MEAK7: variants seen among roughly 807,000 people sequenced by gnomAD.
MEAK7 encodes the protein MTOR associated protein MEAK7.
MEAK7 carries 68 observed loss-of-function variants against 40.5 expected under a neutral mutation model. The ratio of observed to expected loss-of-function variants is 1.68; its 90% confidence interval spans 1.38 to 2.06. The LOEUF is 2.06. Ranked by LOEUF, MEAK7 falls within the 30% of genes most tolerant of loss-of-function variation. MEAK7 has a pLI of 0.00. For synonymous variants in MEAK7, 338 were observed against 231.9 expected, an observed-to-expected ratio of 1.46 and a Z score of -4.16; for missense variants, 918 against 580.5, an observed-to-expected ratio of 1.58 and a Z score of -5.98.
At chr16:84,484,215 G>A (rs1189744264) in intron 5 of MEAK7, among the ~76,000 whole-genome samples, 3 of 152,182 alleles carry the variant, frequency 2.0e-5, no homozygotes, top group Admixed American at 6.5e-5. Context: ...AAGCCAGGAG[G>A]GGGAAGCATC....
intron 3 of MEAK7, chr16:84,494,784 C>A (rs1440420912): frequency 2.2e-6 from 1 of 455,418 alleles, no homozygotes; most frequent in Admixed American, 2.4e-5. Context: ...CAGACAAAAC[C>A]CAAGCCCTGA....
At chr16:84,501,517 C>T (rs1017626528) in intron 1 of MEAK7, among the ~76,000 whole-genome samples, 2 of 152,168 alleles carry the variant, frequency 1.3e-5, no homozygotes, top group African/African-American at 4.8e-5. Flanking sequence ...GAGAAAGGTG[C>T]AGGGCTGGGC....
At chr16:84,480,432 C>A in intron 7 of MEAK7, 97 bp downstream of exon 7, 1 of 1,389,826 alleles carries the variant, frequency 7.2e-7, no homozygotes, top group Admixed American at 2.5e-5. Flanking sequence ...GATAAACTAT[C>A]TGCAGACAGA....
rs777785800 is a variant in MEAK7 at position 84,486,685 on chromosome 16, G to A, written c.904C>T (p.His302Tyr). 4 of 1,614,062 alleles carry A rather than the reference G, an allele frequency of 2.5e-6. No individual in the cohort carries two copies. Among genetic ancestry groups the A allele is most frequent in the Admixed American group, 1.7e-5 (1 of 60,002 alleles). Residue 302 changes from histidine (H) to tyrosine (Y), a missense_variant, in exon 5 of 8, where the codon CAT (histidine) becomes TAT (tyrosine). By Grantham distance (83) the His-to-Tyr change is moderately conservative. Coordinates refer to ENST00000343629, the MANE Select transcript of MEAK7 (RefSeq NM_020947.4). Reference protein sequence around the residue: ...CVAVLEDHDKHVFGGFASCSW... With the variant: ...CVAVLEDHDKYVFGGFASCSW... ...CAAGAGGCAAACCCACCGAACACATGCTTGTCATGGTCCTCGAGGACAGCC... is the reference window on the plus strand; with the variant it reads ...CAAGAGGCAAACCCACCGAACACATACTTGTCATGGTCCTCGAGGACAGCC...
In MEAK7 at chr16:84,477,249, T is replaced by C. The variant is rs1421448048; in HGVS notation, c.*2664A>G. ...TCTTGTTGCCCAGGCTAGAGTGCAA[T>C]GGCACGATCTCGGCTCACCACAACC... On this transcript the variant is annotated 3_prime_UTR_variant, in exon 8 of 8. Transcript: ENST00000343629. 6.6e-6 allele frequency: 1 copy of C among 152,170 alleles called. No homozygotes were observed. Among genetic ancestry groups the C allele is most frequent in the African/African-American group, 2.4e-5 (1 of 41,194 alleles). The allele number at this position is 152,170 out of a possible 1,614,324, so 9.4% of individuals were successfully genotyped here. A position where few individuals can be genotyped will look rare whatever the true frequency, so the allele number is the denominator to read the frequency against.
At chr16:84,480,342 A>C (rs1274201515) in intron 7 of MEAK7, among the ~76,000 whole-genome samples, 187 bp downstream of exon 7, 1 of 152,006 alleles carries the variant, frequency 6.6e-6, no homozygotes, top group Non-Finnish European at 1.5e-5. Flanking sequence ...CTACTAAACC[A>C]CCCACAAATC....
rs77264314 is a variant in MEAK7 at position 84,497,367 on chromosome 16, T to G, written c.153+567A>C. 6,890 of 1,226,650 alleles carry G rather than the reference T, an allele frequency of 5.6e-3. 359 individuals carry two copies. The African/African-American group carries it at 0.098, about 17-fold the overall frequency. The allele number at this position is 1,226,650 out of a possible 1,614,324, so 76.0% of individuals were successfully genotyped here. Reference sequence around the variant, plus strand: ...TGCAAGATGAGCCTTGAATCTAAAATGTGATTATTTTGTTAGGAATATCAT... The same window carrying G: ...TGCAAGATGAGCCTTGAATCTAAAAGGTGATTATTTTGTTAGGAATATCAT... On this transcript the variant is annotated intron_variant, in intron 2 of 7. Coordinates refer to ENST00000343629, the MANE Select transcript of MEAK7 (RefSeq NM_020947.4).
At chr16:84,489,474 C>T in intron 3 of MEAK7, 52 bp from the exon 4 acceptor site, 1 of 1,543,260 alleles carries the variant, frequency 6.5e-7, no homozygotes, top group Non-Finnish European at 8.8e-7. Flanking sequence ...ATCCTGAGAC[C>T]TATGTCATGC....
chr16:84,481,751 G>A (rs1912566956), intron 6 of MEAK7, among the ~76,000 whole-genome samples: 1 of 152,186 alleles, frequency 6.6e-6, no homozygotes, highest in East Asian at 1.9e-4. Flanking sequence ...GGCTAACATG[G>A]TGAAACCCCG....
intron 3 of MEAK7, 165 bp downstream of exon 3, chr16:84,495,518 C>T: frequency 3.1e-6 from 2 of 654,418 alleles, no homozygotes; most frequent in South Asian, 1.9e-5. Flanking sequence ...GGCCTCTCTC[C>T]CAGACATGCC....
intron 4 of MEAK7, chr16:84,487,936 G>C (rs1913239261): frequency 6.6e-6 from 1 of 152,184 alleles, no homozygotes. Context: ...CTGACACAAA[G>C]GCCCCATTTA....
At chr16:84,502,876 A>G (rs1414423096) in intron 1 of MEAK7, 4 of 152,250 alleles carry the variant, frequency 2.6e-5, no homozygotes, top group Non-Finnish European at 4.4e-5. Flanking sequence ...TCTCATAAAA[A>G]CACAAACAAA....
chr16:84,489,695 G>A (rs904719917), intron 3 of MEAK7, among the ~76,000 whole-genome samples: 2 of 152,164 alleles, frequency 1.3e-5, no homozygotes, highest in Non-Finnish European at 2.9e-5. Context: ...CACAATGCCT[G>A]CTGTCTTCAT....
chr16:84,490,882 G>A (rs1177632476), intron 3 of MEAK7, among the ~76,000 whole-genome samples: 1 of 152,072 alleles, frequency 6.6e-6, no homozygotes, highest in East Asian at 1.9e-4. Flanking sequence ...ATTCCTTAAA[G>A]AAAACAGAGA....
At chr16:84,485,498 G>T (rs954823467) in intron 5 of MEAK7, among the ~76,000 whole-genome samples, 1 of 152,136 alleles carries the variant, frequency 6.6e-6, no homozygotes, top group Non-Finnish European at 1.5e-5. Flanking sequence ...GAGAAATGAC[G>T]ATTCCAGAGG....
intron 6 of MEAK7, 37 bp from the exon 7 acceptor site, chr16:84,480,745 A>G (rs764854147): frequency 1.3e-6 from 2 of 1,576,336 alleles, no homozygotes; most frequent in Admixed American, 1.8e-5. Flanking sequence ...AGCATCAGCA[A>G]CTCCTCAGGG....
intron 4 of MEAK7, chr16:84,488,132 T>C (rs547044118): frequency 7.9e-5 from 12 of 152,350 alleles, no homozygotes; most frequent in South Asian, 6.2e-4. Context: ...ACTTGAAATC[T>C]TAAGGATAAT....
At chr16:84,503,043 T>C (rs917353436) in intron 1 of MEAK7, among the ~76,000 whole-genome samples, 3 of 152,180 alleles carry the variant, frequency 2.0e-5, no homozygotes, top group Non-Finnish European at 4.4e-5. Context: ...ATCCTTGATA[T>C]TTGATCACCA....
chr16:84,481,158 G>C (rs1035076881), intron 6 of MEAK7, among the ~76,000 whole-genome samples: 1 of 152,218 alleles, frequency 6.6e-6, no homozygotes, highest in Non-Finnish European at 1.5e-5. Context: ...GACAGGCTGG[G>C]AAACTCAGCT....
Sources: allele counts gnomAD v4.1 joint callset (sites outside exome capture counted in the v4.1 genomes callset), GRCh38; gene constraint gnomAD v4.1.1; transcripts MANE v1.5; gene names NCBI Gene and HGNC (gene_info 2026-07-23, HGNC 2026-07-21).